Variants in UVRAG observed in about 807,000 individuals in gnomAD.
The protein encoded by UVRAG is UV radiation resistance-associated gene protein.
A neutral mutation model predicts 78.0 loss-of-function variants in UVRAG; 19 were observed. The ratio of observed to expected loss-of-function variants is 0.24; its 90% CI spans 0.17 to 0.36. UVRAG has a LOEUF of 0.36. UVRAG is among the 10% of genes least tolerant of loss of function. The pLI is 1.00. For missense variants in UVRAG, 740 were observed against 853.8 expected, an observed-to-expected ratio of 0.87 and a Z score of 1.66; for synonymous variants, 323 against 324.6, an observed-to-expected ratio of 1.00 and a Z score of 0.05.
intron 5 of UVRAG, 54 bp from the exon 6 acceptor site, chr11:75,911,900 G>A: frequency 8.8e-7 from 1 of 1,138,490 alleles, no homozygotes. Context: ...ATTAATTTGT[G>A]CATATATTTT....
chr11:75,817,763 G>A (rs545850037), intron 1 of UVRAG, among the ~76,000 whole-genome samples: 1 of 152,120 alleles, frequency 6.6e-6, no homozygotes, highest in East Asian at 1.9e-4. Flanking sequence ...CAAAATTTTG[G>A]CTGGGCGCAG....
At position 75,815,212 on chromosome 11, in the gene UVRAG, T is replaced by TAATATGGCTCTTCCTTAGCCAGCGGC. The variant is rs1234780379; in HGVS notation, c.-195_-170dup. The TAATATGGCTCTTCCTTAGCCAGCGGC allele has an allele frequency of 2.1e-5, 9 of 428,664 alleles. No individual in the cohort carries two copies. The highest frequency in any genetic ancestry group is 2.9e-5 in the Non-Finnish European group (7 of 244,504). 26.6% of individuals were successfully genotyped at this position (428,664 alleles called of 1,614,324 possible). On this transcript the variant is annotated 5_prime_UTR_variant, in exon 1 of 15. In the 5' UTR this introduces an upstream ATG that the reference lacks. Coordinates refer to ENST00000356136, the MANE Select transcript of UVRAG (RefSeq NM_003369.4). ...GCGGGGTGGAGGGGTTGCACTGCGG[T>TAATATGGCTCTTCCTTAGCCAGCGGC]AATATGGCTCTTCCTTAGCCAGCGG... is the stretch of plus-strand genomic sequence containing the variant.
At chr11:76,061,199 G>T (rs1951083271) in intron 12 of UVRAG, among the ~76,000 whole-genome samples, 1 of 152,288 alleles carries the variant, frequency 6.6e-6, no homozygotes, top group South Asian at 2.1e-4. Flanking sequence ...TACTCTGGTG[G>T]GGACTTGGAG....
chr11:75,969,330 A>G (rs1050981309), intron 7 of UVRAG, among the ~76,000 whole-genome samples: 1 of 152,160 alleles, frequency 6.6e-6, no homozygotes, highest in Non-Finnish European at 1.5e-5. Flanking sequence ...TTCCTTCCTG[A>G]TTAAAGCTGA....
At chr11:75,823,101 A>G (rs1423210254) in intron 1 of UVRAG, among the ~76,000 whole-genome samples, 1 of 152,192 alleles carries the variant, frequency 6.6e-6, no homozygotes, top group Non-Finnish European at 1.5e-5. Context: ...TGAAAAGTAA[A>G]GATTCTCCTA....
chr11:76,113,763 C>T (rs1225190224), intron 13 of UVRAG, among the ~76,000 whole-genome samples: 4 of 151,896 alleles, frequency 2.6e-5, no homozygotes, highest in Non-Finnish European at 5.9e-5. Flanking sequence ...CTTCCTGGGC[C>T]TTAGTTTCTT....
At chr11:75,851,094 G>A (rs1439129868) in intron 1 of UVRAG, among the ~76,000 whole-genome samples, 1 of 152,232 alleles carries the variant, frequency 6.6e-6, no homozygotes. Flanking sequence ...TAGGGAACTA[G>A]CTTTTGGGGA....
intron 14 of UVRAG, chr11:76,137,501 C>G: frequency 2.2e-6 from 1 of 455,166 alleles, no homozygotes; most frequent in Middle Eastern, 3.3e-4. Flanking sequence ...TCTCATAGAA[C>G]TAAAAATGGA....
chr11:76,103,264 G>A (rs1202930942), intron 13 of UVRAG, among the ~76,000 whole-genome samples: 3 of 151,986 alleles, frequency 2.0e-5, no homozygotes, highest in East Asian at 1.9e-4. Flanking sequence ...GAATTAACAC[G>A]AGGGGGTGAA....
chr11:75,869,030 A>G (rs1946592238), intron 3 of UVRAG, among the ~76,000 whole-genome samples: 1 of 152,188 alleles, frequency 6.6e-6, no homozygotes, highest in South Asian at 2.1e-4. Flanking sequence ...TCTCATCCTG[A>G]TAATAGCATT....
intron 14 of UVRAG, among the ~76,000 whole-genome samples, chr11:76,122,204 C>T (rs1952294241): frequency 6.6e-6 from 1 of 152,144 alleles, no homozygotes; most frequent in Non-Finnish European, 1.5e-5. Context: ...CCCTTTAGTT[C>T]CCGGTGTGAG....
chr11:76,079,755 AT>A (rs1951464635), intron 13 of UVRAG, among the ~76,000 whole-genome samples: 1 of 152,184 alleles, frequency 6.6e-6, no homozygotes, highest in South Asian at 2.1e-4. Flanking sequence ...TCTGCCTTTG[AT>A]TTAGTAGTTC....
chr11:76,141,669 TAC>T lies in UVRAG; in HGVS notation c.*258_*259del. The T allele has an allele frequency of 2.0e-6, 1 of 499,344 alleles. No homozygotes were observed. 30.9% of individuals were successfully genotyped at this position (499,344 alleles called of 1,614,324 possible). Reference sequence around the variant, plus strand: ...AAATCACCCTCTAGTTGAAAGAGCTTACAGCTCGAGTCACCTTTTAGCTATTT... The same window carrying T: ...AAATCACCCTCTAGTTGAAAGAGCTTAGCTCGAGTCACCTTTTAGCTATTT... On this transcript the variant is annotated 3_prime_UTR_variant, in exon 15 of 15. Transcript: ENST00000356136.
At chr11:76,003,876 TG>T in intron 8 of UVRAG, 128 bp from the exon 9 acceptor site, 1 of 792,236 alleles carries the variant, frequency 1.3e-6, no homozygotes, top group East Asian at 2.6e-5. Context: ...AAAAAATCTC[TG>T]TACTCAACCC....
At chr11:76,065,817 A>G in intron 13 of UVRAG, 29 bp downstream of exon 13, 2 of 1,602,126 alleles carry the variant, frequency 1.2e-6, no homozygotes, top group Non-Finnish European at 1.7e-6. Flanking sequence ...CTTCTCTCCT[A>G]CTTCCCATGC....
intron 4 of UVRAG, among the ~76,000 whole-genome samples, chr11:75,883,533 G>A (rs1366156865): frequency 6.6e-6 from 1 of 152,150 alleles, no homozygotes; most frequent in Non-Finnish European, 1.5e-5. Flanking sequence ...AGTTTTGGAG[G>A]AACATGAGGC....
chr11:76,058,127 T>C (rs1009285781), intron 12 of UVRAG, among the ~76,000 whole-genome samples: 2 of 152,196 alleles, frequency 1.3e-5, no homozygotes, highest in Non-Finnish European at 1.5e-5. Context: ...ATTCATGTTA[T>C]AATCTATCCC....
At chr11:75,986,245 G>A (rs1041856894) in intron 8 of UVRAG, among the ~76,000 whole-genome samples, 9 of 152,102 alleles carry the variant, frequency 5.9e-5, no homozygotes, top group African/African-American at 2.2e-4. Flanking sequence ...ATCGAAATAA[G>A]ATAGTGTATG....
At chr11:75,882,948 A>T (rs997995355) in intron 4 of UVRAG, among the ~76,000 whole-genome samples, 3 of 152,226 alleles carry the variant, frequency 2.0e-5, no homozygotes, top group Admixed American at 6.5e-5. Context: ...AACTTAGAAA[A>T]TAATGACTTT....
Sources: allele counts gnomAD v4.1 joint callset (sites outside exome capture counted in the v4.1 genomes callset), GRCh38; gene constraint gnomAD v4.1.1; transcripts MANE v1.5; gene names NCBI Gene and HGNC (gene_info 2026-07-23, HGNC 2026-07-21).